ABCC11: variants seen among roughly 807,000 people sequenced by gnomAD.
ABCC11 encodes ATP binding cassette subfamily C member 11, also known as ATP-binding cassette sub-family C member 11.
Under a neutral mutation model 149.3 loss-of-function variants are expected in ABCC11, and 135 were observed. The ratio of observed to expected loss-of-function variants is 0.90; its 90% CI spans 0.79 to 1.04. The LOEUF is 1.04. ABCC11 is among the 50% of genes least tolerant of loss of function. ABCC11 has a pLI of 0.00. For missense variants in ABCC11, 1,680 were observed against 1,722.1 expected (o/e 0.98, Z 0.43); for synonymous variants, 665 against 671.4 (o/e 0.99, Z 0.15).
chr16:48,245,721 G>A (rs1971337425), intron 1 of ABCC11, among the ~76,000 whole-genome samples: 1 of 152,168 alleles, frequency 6.6e-6, no homozygotes. Context: ...ATGTTGGAAA[G>A]GTAATATTTT....
At chr16:48,244,320 GCGGGGCAGGC>G in intron 1 of ABCC11, 1 of 1,217,352 alleles carries the variant, frequency 8.2e-7, no homozygotes, top group Non-Finnish European at 1.1e-6. Flanking sequence ...TTTGGTGACT[GCGGGGCAGGC>G]CGGGGGCAGC....
chr16:48,204,017 ATTAT>A (rs1355527534), intron 13 of ABCC11, among the ~76,000 whole-genome samples: 1 of 152,206 alleles, frequency 6.6e-6, no homozygotes, highest in Non-Finnish European at 1.5e-5. Context: ...TGCACCATAA[ATTAT>A]TTAACCAGTG....
chr16:48,179,324 G>A (rs1325020349), intron 23 of ABCC11, among the ~76,000 whole-genome samples: 1 of 152,210 alleles, frequency 6.6e-6, no homozygotes, highest in East Asian at 1.9e-4. Context: ...CCAGGCTAGA[G>A]GAGTTAGGGA....
intron 1 of ABCC11, chr16:48,244,395 T>A: frequency 6.5e-7 from 1 of 1,549,578 alleles, no homozygotes; most frequent in South Asian, 1.2e-5. Context: ...CAGCATGTCA[T>A]CAGTGAGCCC....
At chr16:48,186,671 C>T (rs755048285) in intron 22 of ABCC11, among the ~76,000 whole-genome samples, 7 of 152,166 alleles carry the variant, frequency 4.6e-5, no homozygotes, top group Non-Finnish European at 1.0e-4. Context: ...CACAGTAATG[C>T]ACCTTATCAT....
chr16:48,231,674 AAAGAG>A (rs1210042833), intron 2 of ABCC11, 144 bp downstream of exon 2: 56 of 1,074,840 alleles, frequency 5.2e-5, no homozygotes, highest in South Asian at 1.9e-4. Flanking sequence ...AAAAAAAAAA[AAAGAG>A]AGAGAGAGAG....
chr16:48,205,924 C>A (rs542737882), intron 12 of ABCC11, among the ~76,000 whole-genome samples: 115 of 152,116 alleles, frequency 7.6e-4, no homozygotes, highest in African/African-American at 2.7e-3. Context: ...CATTCTCCTG[C>A]CTCAGCCTCC....
At chr16:48,214,750 T>A in intron 9 of ABCC11, 131 bp downstream of exon 9, 1 of 1,292,512 alleles carries the variant, frequency 7.7e-7, no homozygotes, top group East Asian at 2.3e-5. Context: ...TACTTTTGTC[T>A]GGAAAATCAA....
At chr16:48,210,724 G>A (rs967857458) in intron 11 of ABCC11, 1 of 587,518 alleles carries the variant, frequency 1.7e-6, no homozygotes, top group African/African-American at 1.9e-5. Context: ...ATATTATTTT[G>A]GGTCTTACCT....
intron 17 of ABCC11, among the ~76,000 whole-genome samples, chr16:48,197,288 T>A (rs1967513434): frequency 7.6e-6 from 1 of 131,604 alleles, no homozygotes; most frequent in Non-Finnish European, 1.6e-5. Flanking sequence ...CAAGCCACTG[T>A]ATTCCTGCCT....
chr16:48,192,455 AT>A, intron 20 of ABCC11, 64 bp downstream of exon 20: 1 of 1,531,376 alleles, frequency 6.5e-7, no homozygotes, highest in Non-Finnish European at 8.8e-7. Flanking sequence ...AAATAAAAAA[AT>A]AAAAATGAAG....
rs1376342512 is a variant in ABCC11 at position 48,227,865 on chromosome 16, T to G, written c.336A>C (p.Leu112Phe). 6.2e-7 allele frequency: 1 copy of G among 1,613,816 alleles called. No individual in the cohort carries two copies. Among genetic ancestry groups the G allele is most frequent in the Admixed American group, 1.7e-5 (1 of 60,012 alleles). ...ACAGTGGAGGGATGGTGTTCTCATC[T>G]AAGCGACTCCGTAAGCTTTGGATCA... ...PLMIQSLRSRLDENTIPPLSV... is the reference protein window; with the variant it reads ...PLMIQSLRSRFDENTIPPLSV... Residue 112 changes from leucine (L) to phenylalanine (F), a missense_variant, in exon 4 of 30, where the codon TTA becomes TTC. Leu to Phe is a conservative substitution (Grantham distance 22). Transcript: ENST00000356608.
intron 26 of ABCC11, among the ~76,000 whole-genome samples, chr16:48,171,613 A>G (rs1965728431): frequency 6.6e-6 from 1 of 152,264 alleles, no homozygotes; most frequent in Non-Finnish European, 1.5e-5. Context: ...ACAATTCAGC[A>G]GCATTAAATA....
chr16:48,198,062 CAT>C lies in ABCC11; in HGVS notation c.2221_2222del (p.Met741ValfsTer98). ...CTGCTATCTTTGCTGTGTCCTGCAA[CAT>C]GTCCTGGGGAGAGAGCACAGGCCCT... is the stretch of plus-strand genomic sequence containing the variant. ...QKMHKEATSD[M>X]LQDTAKIAEK... On this transcript the variant is annotated frameshift_variant, in exon 17 of 30. Coordinates refer to ENST00000356608, the MANE Select transcript of ABCC11 (RefSeq NM_001370497.1). LOFTEE classifies it high-confidence loss of function. 1 of 1,614,230 alleles carries C rather than the reference CAT, an allele frequency of 6.2e-7. No homozygotes were observed. The highest frequency in any genetic ancestry group is 8.5e-7 in the Non-Finnish European group (1 of 1,180,040).
chr16:48,191,706 A>C (rs1189089001), intron 20 of ABCC11, among the ~76,000 whole-genome samples: 1 of 152,198 alleles, frequency 6.6e-6, no homozygotes, highest in Non-Finnish European at 1.5e-5. Context: ...GGAAACCATC[A>C]TTCTCAGAAA....
At chr16:48,210,824 A>G (rs886134963) in intron 11 of ABCC11, 124 bp downstream of exon 11, 9 of 1,315,056 alleles carry the variant, frequency 6.8e-6, no homozygotes, top group African/African-American at 1.5e-5. Context: ...TTGAATTTTA[A>G]GGGGAGAGAT....
Position 48,167,159 on chromosome 16 carries a change from T to A in ABCC11, c.*115A>T. 4.3e-6 allele frequency: 2 copies of A among 461,410 alleles called. No individual in the cohort carries two copies. Among genetic ancestry groups the A allele is most frequent in the Admixed American group, 2.6e-5 (1 of 39,086 alleles). The allele number at this position is 461,410 out of a possible 1,614,324, so 28.6% of individuals were successfully genotyped here. On this transcript the variant is annotated 3_prime_UTR_variant, in exon 30 of 30. Transcript: ENST00000356608. ...CCACCCCCCCTACATTTACCCCTGC[T>A]TCCAGGAGAAGTTCTCATCTCCAAA... is the stretch of plus-strand genomic sequence containing the variant.
intron 24 of ABCC11, 116 bp from the exon 25 acceptor site, chr16:48,177,229 C>T (rs2150735741): frequency 9.4e-7 from 1 of 1,064,720 alleles, no homozygotes; most frequent in East Asian, 2.6e-5. Flanking sequence ...CTGCCTTGCG[C>T]CAAGGTCAAG....
chr16:48,222,882 T>G (rs761943055), intron 5 of ABCC11, 51 bp from the exon 6 acceptor site: 2 of 1,477,128 alleles, frequency 1.4e-6, no homozygotes, highest in Non-Finnish European at 1.9e-6. Flanking sequence ...CCAGACACGT[T>G]TGATGTTTTG....
Sources: gnomAD v4.1 joint callset for allele counts (sites outside exome capture counted in the v4.1 genomes callset) on GRCh38, gnomAD v4.1.1 for gene constraint, MANE v1.5 for transcripts, NCBI Gene and HGNC (gene_info 2026-07-23, HGNC 2026-07-21) for gene names.